Variants in CDC42BPA observed in about 807,000 individuals in gnomAD.
CDC42BPA encodes the protein serine/threonine-protein kinase MRCK alpha.
In CDC42BPA, 80 loss-of-function variants were observed where a neutral mutation model predicts 223.5. The ratio of observed to expected loss-of-function variants is 0.36; its 90% CI spans 0.30 to 0.43. The LOEUF (loss-of-function observed/expected upper bound fraction) is 0.43, where lower values mean the gene tolerates loss of function less well. Ranked by LOEUF, CDC42BPA falls within the 20% of genes least tolerant of loss-of-function variation. The pLI is 1.00. For missense variants in CDC42BPA, 1,743 were observed against 2,099.9 expected (o/e 0.83, Z 3.32); for synonymous variants, 694 against 718.6 (o/e 0.97, Z 0.55).
chr1:227,151,640 G>GT (rs1403017214), intron 6 of CDC42BPA, among the ~76,000 whole-genome samples: 3 of 152,086 alleles, frequency 2.0e-5, no homozygotes, highest in Non-Finnish European at 4.4e-5. Flanking sequence ...GTTATTTTCT[G>GT]TTTTTTGATA....
intron 14 of CDC42BPA, among the ~76,000 whole-genome samples, chr1:227,104,052 CAG>C (rs1029753420): frequency 1.9e-4 from 29 of 152,064 alleles, no homozygotes; most frequent in East Asian, 9.7e-4. Flanking sequence ...TTTTACTGTG[CAG>C]AGAGTTTTAT....
intron 21 of CDC42BPA, among the ~76,000 whole-genome samples, chr1:227,058,750 C>CAT (rs994802500): frequency 1.3e-5 from 2 of 151,856 alleles, no homozygotes; most frequent in Admixed American, 1.3e-4. Flanking sequence ...GTTAATAATA[C>CAT]ATATATAAAT....
chr1:227,233,397 G>A (rs1678398619), intron 2 of CDC42BPA, among the ~76,000 whole-genome samples: 1 of 152,014 alleles, frequency 6.6e-6, no homozygotes, highest in African/African-American at 2.4e-5. Context: ...CTGTAATAGT[G>A]TTAACCATCT....
At chr1:227,207,201 C>A (rs1286687652) in intron 3 of CDC42BPA, among the ~76,000 whole-genome samples, 1 of 148,882 alleles carries the variant, frequency 6.7e-6, no homozygotes, top group South Asian at 2.2e-4. Flanking sequence ...TTTGTCCTTG[C>A]GATAGTTTGC....
rs146289394 is a variant in CDC42BPA at position 227,137,416 on chromosome 1, T to G, written c.1390+2160A>C. 2.8e-3 allele frequency among the ~76,000 whole-genome samples: 425 copies of G among 152,244 alleles called. 3 individuals carry two copies. The highest frequency in any genetic ancestry group is 9.9e-3 in the African/African-American group (412 of 41,576). On this transcript the variant is annotated intron_variant, in intron 10 of 36. Transcript: ENST00000366766. ...AGAACTCATACATTATTAGTAGAAC[T>G]ATATATTGGTATAGTCACTTTAGAA...
intron 5 of CDC42BPA, among the ~76,000 whole-genome samples, chr1:227,184,932 C>T (rs1572204109): frequency 6.6e-6 from 1 of 152,114 alleles, no homozygotes; most frequent in South Asian, 2.1e-4. Flanking sequence ...TTTCTTCACT[C>T]CTCAATACCA....
chr1:227,229,384 C>A (rs1677421605), intron 2 of CDC42BPA, among the ~76,000 whole-genome samples: 1 of 152,138 alleles, frequency 6.6e-6, no homozygotes, highest in Non-Finnish European at 1.5e-5. Flanking sequence ...AGCCTTATGC[C>A]AGTACCACAC....
At chr1:226,997,802 T>C (rs1449459252) in intron 35 of CDC42BPA, among the ~76,000 whole-genome samples, 1 of 152,258 alleles carries the variant, frequency 6.6e-6, no homozygotes, top group Non-Finnish European at 1.5e-5. Flanking sequence ...TTGATTGCAC[T>C]GTGGTCTGAG....
At chr1:227,229,644 T>C (rs1377834831) in intron 2 of CDC42BPA, among the ~76,000 whole-genome samples, 1 of 152,196 alleles carries the variant, frequency 6.6e-6, no homozygotes, top group African/African-American at 2.4e-5. Flanking sequence ...GAATATGCAA[T>C]GTCTTTTCGT....
chr1:227,069,182 C>A lies in CDC42BPA; in HGVS notation c.2904+595G>T, dbSNP rs533953157. 247 of 152,158 alleles carry A rather than the reference C, an allele frequency of 1.6e-3. 1 individual carries two copies. Among genetic ancestry groups the A allele is most frequent in the Admixed American group, 2.4e-3 (37 of 15,270 alleles). The allele number at this position is 152,158 out of a possible 1,614,324, so 9.4% of individuals were successfully genotyped here. A position where few individuals can be genotyped will look rare whatever the true frequency, so the allele number is the denominator to read the frequency against. On this transcript the variant is annotated intron_variant, in intron 21 of 36. Coordinates refer to ENST00000366766, the MANE Select transcript of CDC42BPA (RefSeq NM_001394014.1). ...ATTATTTGTTCAATAAAGATATAATCACACTTAAATTTACTGAGACAAAAA... is the reference window on the plus strand; with the variant it reads ...ATTATTTGTTCAATAAAGATATAATAACACTTAAATTTACTGAGACAAAAA...
At chr1:227,273,656 G>A (rs947958448) in intron 1 of CDC42BPA, among the ~76,000 whole-genome samples, 1 of 151,918 alleles carries the variant, frequency 6.6e-6, no homozygotes, top group Non-Finnish European at 1.5e-5. Context: ...TGCCAGTGGA[G>A]ACTTCAGAAG....
intron 1 of CDC42BPA, among the ~76,000 whole-genome samples, chr1:227,286,928 C>T (rs1688906547): frequency 6.6e-6 from 1 of 152,104 alleles, no homozygotes; most frequent in South Asian, 2.1e-4. Context: ...GTATCAGGCT[C>T]TTTTTAACAA....
At chr1:227,202,968 A>G (rs1672051544) in intron 3 of CDC42BPA, among the ~76,000 whole-genome samples, 1 of 151,944 alleles carries the variant, frequency 6.6e-6, no homozygotes, top group Admixed American at 6.6e-5. Context: ...AACAATATAA[A>G]CTCTTTATGA....
chr1:227,145,071 C>T lies in CDC42BPA; in HGVS notation c.1143+418G>A, dbSNP rs561470259. Among the ~76,000 whole-genome samples, 46 of 152,180 alleles carry T rather than the reference C, an allele frequency of 3.0e-4. No individual in the cohort carries two copies. In the South Asian group the frequency reaches 8.3e-3, roughly 27 times the overall value. ...TTCAGCAGTTTTTCACAAATAAATG[C>T]TTCTCAATTTATTTCTCTTCAATTG... is the stretch of plus-strand genomic sequence containing the variant. On this transcript the variant is annotated intron_variant, in intron 8 of 36. Coordinates refer to ENST00000366766, the MANE Select transcript of CDC42BPA (RefSeq NM_001394014.1).
chr1:227,266,037 A>G (rs774905221), intron 1 of CDC42BPA, among the ~76,000 whole-genome samples: 5 of 152,252 alleles, frequency 3.3e-5, no homozygotes, highest in African/African-American at 4.8e-5. Context: ...CGTATGTGGC[A>G]GACTGCCTAG....
At chr1:227,282,907 T>C (rs1231244022) in intron 1 of CDC42BPA, among the ~76,000 whole-genome samples, 1 of 152,202 alleles carries the variant, frequency 6.6e-6, no homozygotes, top group East Asian at 1.9e-4. Flanking sequence ...TGTTCTGAGA[T>C]GGATGATCAG....
intron 1 of CDC42BPA, among the ~76,000 whole-genome samples, chr1:227,256,948 GACAC>G (rs55961981): frequency 0.02 from 2,868 of 141,022 alleles, 31 homozygotes; most frequent in South Asian, 0.039. Context: ...TATATATACA[GACAC>G]ACACACACAC....
rs1170148482 is a variant in CDC42BPA, at chr1:227,119,870, A to C, written c.1581T>G (p.Phe527Leu). 7 of 1,604,348 alleles carry C rather than the reference A, an allele frequency of 4.4e-6. No individual in the cohort carries two copies. The highest frequency in any genetic ancestry group is 6.0e-6 in the Non-Finnish European group (7 of 1,174,550). Residue 527 changes from phenylalanine to leucine, a missense_variant, in exon 12 of 37, where the codon TTT becomes TTG. By Grantham distance (22) the Phe-to-Leu change is conservative. This residue lies in a region of CDC42BPA where 464 missense variants were observed against 488.0 expected (regional missense o/e 0.95). Coordinates refer to ENST00000366766, the MANE Select transcript of CDC42BPA (RefSeq NM_001394014.1). ...GTTTTTCATAAGCCTTGATTTGTCTAAAAGCATCATCTAGTTCTTGCCTCA... is the reference window on the plus strand; with the variant it reads ...GTTTTTCATAAGCCTTGATTTGTCTCAAAGCATCATCTAGTTCTTGCCTCA... Reference protein sequence around the residue: ...NAVRQELDDAFRQIKAYEKQI... With the variant: ...NAVRQELDDALRQIKAYEKQI...
chr1:227,131,872 A>C (rs923095238), intron 10 of CDC42BPA, among the ~76,000 whole-genome samples: 6 of 152,228 alleles, frequency 3.9e-5, no homozygotes, highest in Non-Finnish European at 8.8e-5. Flanking sequence ...TCTCTCCAGC[A>C]TAACCATCAG....
Sources: allele counts gnomAD v4.1 joint callset (sites outside exome capture counted in the v4.1 genomes callset), GRCh38; gene constraint gnomAD v4.1.1; regional missense constraint gnomAD v4.1.1; transcripts MANE v1.5; gene names NCBI Gene and HGNC (gene_info 2026-07-23, HGNC 2026-07-21).